Variants in SELP observed in about 807,000 individuals in gnomAD.
SELP encodes the protein P-selectin.
Under a neutral mutation model 104.1 loss-of-function variants are expected in SELP, and 92 were observed. That is an observed-to-expected ratio of 0.88 (90% CI 0.75 to 1.05). The LOEUF is 1.05. SELP is among the 50% of genes least tolerant of loss of function. SELP has a pLI of 0.00. For missense variants in SELP, 1,022 were observed against 1,017.3 expected, an observed-to-expected ratio of 1.00 and a Z score of -0.06; for synonymous variants, 397 against 364.5, an observed-to-expected ratio of 1.09 and a Z score of -1.01.
chr1:169,591,706 A>C, intron 14 of SELP: 1 of 311,870 alleles, frequency 3.2e-6, no homozygotes, highest in Non-Finnish European at 5.9e-6. Context: ...TAAATACATA[A>C]ATCAATTTCT....
chr1:169,610,409 T>A (rs1419006294), intron 7 of SELP, among the ~76,000 whole-genome samples: 2 of 152,182 alleles, frequency 1.3e-5, no homozygotes, highest in Non-Finnish European at 2.9e-5. Context: ...AAGCATTTCA[T>A]TTCCAGGCTA....
intron 3 of SELP, among the ~76,000 whole-genome samples, chr1:169,615,792 GGA>G (rs1271380922): frequency 3.9e-5 from 6 of 152,162 alleles, no homozygotes; most frequent in Non-Finnish European, 8.8e-5. Context: ...GGAGGCTTGG[GGA>G]GAAGAGGGAC....
rs766968601 is a variant in SELP, at chr1:169,613,652, G to A, written c.523C>T (p.Leu175Phe). Residue 175 changes from leucine (L) to phenylalanine (F), a missense_variant, in exon 4 of 17, where the codon CTC becomes TTC. Physicochemically the swap from Leu to Phe is conservative, Grantham distance 22. Transcript: ENST00000263686. ...DMSCSKQGEC[L>F]ETIGNYTCSC... The stretch of plus-strand genomic sequence containing the variant: ...CAGGTGTAGTTCCCGATGGTCTCGA[G>A]GCACTCTCCTTGTTTGCTGCAGGAC... 4 of 1,613,672 alleles carry A rather than the reference G, an allele frequency of 2.5e-6. No homozygotes were observed. The highest frequency in any genetic ancestry group is 3.4e-6 in the Non-Finnish European group (4 of 1,179,796).
Position 169,617,131 on chromosome 1 carries a change from C to G in SELP, c.378G>C (p.Arg126Ser). The change falls in exon 3 of 17, where the codon AGG becomes AGC. Residue 126 changes from arginine to serine, a missense_variant. Coordinates refer to ENST00000263686, the MANE Select transcript of SELP (RefSeq NM_003005.4). The part of the protein sequence containing the change: ...NWADNEPNNK[R>S]NNEDCVEIYI... ...ATATCTCCACGCAGTCCTCGTTGTT[C>G]CTTTTGTTGTTAGGTTCATTATCAG... 1 of 1,613,974 alleles carries G rather than the reference C, an allele frequency of 6.2e-7. No individual in the cohort carries two copies.
At chr1:169,612,744 A>T (rs79982921) in intron 5 of SELP, among the ~76,000 whole-genome samples, 185 bp downstream of exon 5, 6 of 150,378 alleles carry the variant, frequency 4.0e-5, no homozygotes, top group East Asian at 3.9e-4. Context: ...CTCTACCCAT[A>T]AAAAAATACC....
At chr1:169,627,437 A>G (rs2101937864) in intron 1 of SELP, among the ~76,000 whole-genome samples, 1 of 152,384 alleles carries the variant, frequency 6.6e-6, no homozygotes, top group African/African-American at 2.4e-5. Context: ...CATTAAAAAT[A>G]AAGTACGACA....
intron 1 of SELP, among the ~76,000 whole-genome samples, chr1:169,622,511 C>A (rs1362351865): frequency 6.6e-6 from 1 of 152,136 alleles, no homozygotes; most frequent in African/African-American, 2.4e-5. Context: ...AAGTAATATT[C>A]ATTCATGGAT....
chr1:169,613,801 GC>G (rs2101907784), intron 3 of SELP, 108 bp from the exon 4 acceptor site: 2 of 873,400 alleles, frequency 2.3e-6, no homozygotes. Flanking sequence ...GACTGAGCTA[GC>G]CAGACAAGAG....
In SELP at chr1:169,617,231, C is replaced by T. The variant is rs779355664; in HGVS notation, c.278G>A (p.Gly93Glu). Residue 93 changes from glycine to glutamate, a missense_variant, in exon 3 of 17, where the codon GGG (glycine) becomes GAG (glutamate). Physicochemically the swap from Gly to Glu is moderately conservative, Grantham distance 98. Transcript: ENST00000263686. ...CCATGTCTTATTGTTCTTTCGGATCCCAATCCAGTAGTAGGAGCTGTAGTA... is the reference window on the plus strand; with the variant it reads ...CCATGTCTTATTGTTCTTTCGGATCTCAATCCAGTAGTAGGAGCTGTAGTA... ...LPYYSSYYWI[G>E]IRKNNKTWTW... 6.2e-7 allele frequency: 1 copy of T among 1,614,024 alleles called. No homozygotes were observed. Among genetic ancestry groups the T allele is most frequent in the South Asian group, 1.1e-5 (1 of 91,070 alleles).
At chr1:169,625,165 T>A (rs1663316254) in intron 1 of SELP, among the ~76,000 whole-genome samples, 1 of 152,166 alleles carries the variant, frequency 6.6e-6, no homozygotes, top group Non-Finnish European at 1.5e-5. Context: ...GACATCCTCA[T>A]TACCAAACCA....
intron 1 of SELP, among the ~76,000 whole-genome samples, chr1:169,626,128 G>C (rs570776893): frequency 6.6e-6 from 1 of 152,340 alleles, no homozygotes; most frequent in South Asian, 2.1e-4. Context: ...AGGCCTTAAG[G>C]TGGAAGCAAA....
intron 1 of SELP, among the ~76,000 whole-genome samples, chr1:169,628,883 C>A (rs1045133055): frequency 6.6e-6 from 1 of 151,864 alleles, no homozygotes. Context: ...ACTCCTTCCT[C>A]TTCTCTTTAT....
rs377161237 is a variant in SELP, at chr1:169,593,677, C to A, written c.2335G>T (p.Val779Leu). 8 of 1,613,382 alleles carry A rather than the reference C, an allele frequency of 5.0e-6. No homozygotes were observed. The highest frequency in any genetic ancestry group is 1.6e-4 in the Middle Eastern group (1 of 6,080). ...ATTATCAGACCTATCGTAGAAGCCACCGCTCCACCAAAGTAAGTCAGGGCT... is the reference window on the plus strand; with the variant it reads ...ATTATCAGACCTATCGTAGAAGCCAACGCTCCACCAAAGTAAGTCAGGGCT... ...QEALTYFGGA[V>L]ASTIGLIMGG... The change falls in exon 14 of 17, where the codon GTG (valine) becomes TTG (leucine). Residue 779 changes from valine to leucine, a missense_variant. Transcript: ENST00000263686.
chr1:169,594,937 A>G (rs1277014826), intron 12 of SELP, 60 bp from the exon 13 acceptor site: 2 of 1,484,480 alleles, frequency 1.3e-6, no homozygotes, highest in Non-Finnish European at 1.8e-6. Flanking sequence ...AAGAGATTAT[A>G]GTTTCTTTTG....
intron 1 of SELP, among the ~76,000 whole-genome samples, chr1:169,621,917 C>T (rs916001693): frequency 6.6e-6 from 1 of 152,158 alleles, no homozygotes; most frequent in Non-Finnish European, 1.5e-5. Context: ...CAAAATGCAC[C>T]ATTCCAAATG....
rs1042048300 is a variant in SELP at position 169,612,934 on chromosome 1, C to T, written c.770G>A (p.Cys257Tyr). ...AAAGAATAAGGTCTACATACCTAAA[C>T]ACTGTGGAGGCTTATTTGTCCAGAT... Reference protein sequence around the residue: ...SGIWTNKPPQCLAAQCPPLKI... With the variant: ...SGIWTNKPPQYLAAQCPPLKI... Residue 257 changes from cysteine (C) to tyrosine (Y), a missense_variant, in exon 5 of 17, where the codon TGT becomes TAT. Physicochemically the swap from Cys to Tyr is radical, Grantham distance 194. Coordinates refer to ENST00000263686, the MANE Select transcript of SELP (RefSeq NM_003005.4). 5 of 1,608,532 alleles carry T rather than the reference C, an allele frequency of 3.1e-6. No homozygotes were observed. The highest frequency in any genetic ancestry group is 4.2e-6 in the Non-Finnish European group (5 of 1,176,698).
At chr1:169,599,259 A>C (rs1347586480) in intron 10 of SELP, among the ~76,000 whole-genome samples, 1 of 151,826 alleles carries the variant, frequency 6.6e-6, no homozygotes, top group Non-Finnish European at 1.5e-5. Context: ...GCTGGAATGG[A>C]GATTAGTGCA....
At chr1:169,627,495 C>G (rs1164008024) in intron 1 of SELP, among the ~76,000 whole-genome samples, 1 of 152,158 alleles carries the variant, frequency 6.6e-6, no homozygotes, top group Non-Finnish European at 1.5e-5. Flanking sequence ...AGTTATATCT[C>G]TACAAATAGT....
At chr1:169,595,890 G>C (rs375947518) in intron 12 of SELP, 35 bp downstream of exon 12, 3 of 1,592,426 alleles carry the variant, frequency 1.9e-6, no homozygotes, top group Non-Finnish European at 2.6e-6. Context: ...TTGCAGGAAG[G>C]CAGGTTCAGA....
Sources: allele counts gnomAD v4.1 joint callset (sites outside exome capture counted in the v4.1 genomes callset), GRCh38; gene constraint gnomAD v4.1.1; transcripts MANE v1.5; gene names NCBI Gene and HGNC (gene_info 2026-07-23, HGNC 2026-07-21).